CRACD: variants seen among roughly 807,000 people sequenced by gnomAD.
CRACD encodes capping protein inhibiting regulator of actin dynamics.
A neutral mutation model predicts 106.8 loss-of-function variants in CRACD; 56 were observed. The ratio of observed to expected loss-of-function variants is 0.52; its 90% CI spans 0.42 to 0.66. The LOEUF (loss-of-function observed/expected upper bound fraction) is 0.66, where lower values mean the gene tolerates loss of function less well. CRACD is among the 30% of genes least tolerant of loss of function. The pLI, the probability that CRACD is intolerant of heterozygous loss-of-function variation, is 0.00. For synonymous variants in CRACD, 754 were observed against 670.8 expected (o/e 1.12, Z -1.92); for missense variants, 1,730 against 1,623.2 (o/e 1.07, Z -1.13).
At chr4:56,324,321 G>A (rs1746296664) in intron 10 of CRACD, 55 bp downstream of exon 10, 1 of 1,545,808 alleles carries the variant, frequency 6.5e-7, no homozygotes, top group Non-Finnish European at 8.8e-7. Context: ...TCTTTGTAGA[G>A]CGTGCTTTAT....
chr4:56,151,729 C>A (rs548255935), intron 1 of CRACD, among the ~76,000 whole-genome samples: 1 of 152,046 alleles, frequency 6.6e-6, no homozygotes, highest in Non-Finnish European at 1.5e-5. Flanking sequence ...TAATCTGGAA[C>A]CATTCCTCAA....
intron 1 of CRACD, among the ~76,000 whole-genome samples, chr4:56,158,868 A>G (rs1165963689): frequency 6.6e-6 from 1 of 152,256 alleles, no homozygotes; most frequent in African/African-American, 2.4e-5. Flanking sequence ...TGTGAACTCC[A>G]GAGAAATACA....
intron 1 of CRACD, among the ~76,000 whole-genome samples, chr4:56,157,656 G>T (rs546683963): frequency 3.2e-4 from 49 of 152,258 alleles, no homozygotes; most frequent in Non-Finnish European, 5.4e-4. Flanking sequence ...AGTCAAGGAT[G>T]ATACTATGAA....
chr4:56,122,554 A>G (rs1291522562), intron 1 of CRACD, among the ~76,000 whole-genome samples: 1 of 152,132 alleles, frequency 6.6e-6, no homozygotes, highest in Non-Finnish European at 1.5e-5. Context: ...ACTGACACTG[A>G]TAAACATGCA....
chr4:56,174,172 A>G (rs988747614), intron 1 of CRACD, among the ~76,000 whole-genome samples: 1 of 152,150 alleles, frequency 6.6e-6, no homozygotes, highest in Admixed American at 6.5e-5. Context: ...TTTTTAATGG[A>G]TACATAATAG....
At chr4:56,192,863 T>C (rs1737439423) in intron 2 of CRACD, among the ~76,000 whole-genome samples, 1 of 152,150 alleles carries the variant, frequency 6.6e-6, no homozygotes, top group South Asian at 2.1e-4. Flanking sequence ...TGAAATTAAA[T>C]GGAATGGGAT....
chr4:56,279,253 G>T (rs374093550), intron 3 of CRACD, among the ~76,000 whole-genome samples: 1 of 152,116 alleles, frequency 6.6e-6, no homozygotes, highest in African/African-American at 2.4e-5. Flanking sequence ...CATCTTCTGC[G>T]TCGCTCATGC....
chr4:56,177,043 C>T (rs971552118), intron 1 of CRACD, among the ~76,000 whole-genome samples: 2 of 152,048 alleles, frequency 1.3e-5, no homozygotes, highest in Admixed American at 1.3e-4. Context: ...ATTTGGACGC[C>T]CTTTATTTCC....
At chr4:56,215,375 C>T (rs1465225361) in intron 2 of CRACD, among the ~76,000 whole-genome samples, 1 of 152,146 alleles carries the variant, frequency 6.6e-6, no homozygotes, top group Non-Finnish European at 1.5e-5. Flanking sequence ...CCCTAATGAC[C>T]TAATCATTTC....
chr4:56,100,604 CTT>C (rs1733746315), intron 1 of CRACD, among the ~76,000 whole-genome samples: 1 of 152,124 alleles, frequency 6.6e-6, no homozygotes. Context: ...GAGATAAGGT[CTT>C]TACAGAGGTA....
Position 56,315,815 on chromosome 4 carries a change from G to C in CRACD, c.2313G>C (p.Lys771Asn), listed in dbSNP as rs551614295. The change falls in exon 8 of 11, where the codon AAG becomes AAC. Residue 771 changes from lysine to asparagine, a missense_variant. By Grantham distance (94) the Lys-to-Asn change is moderately conservative. Around this residue, in one of 5 missense-constraint regions of CRACD, gnomAD observed 1,620 missense variants for 1,481.6 expected, o/e 1.09. Transcript: ENST00000682029. This position sits in a 1 kb window ranked among gnomAD's most constrained non-coding sequence, Gnocchi z 4.1. The stretch of plus-strand genomic sequence containing the variant: ...CTGCTGGTGTTCGCGAGCTCGGGAA[G>C]GGTCCGGAGAAGTCGGAGATGCACC... ...PPPAGVRELG[K>N]GPEKSEMHRE... 5 of 1,614,092 alleles carry C rather than the reference G, an allele frequency of 3.1e-6. No individual in the cohort carries two copies. The Admixed American group carries it at 5.0e-5, about 16-fold the overall frequency.
intron 4 of CRACD, 138 bp downstream of exon 4, chr4:56,298,487 T>A: frequency 9.6e-7 from 1 of 1,043,404 alleles, no homozygotes; most frequent in Non-Finnish European, 1.4e-6. Context: ...TATTGCTTTC[T>A]TGAATTCAAC....
intron 1 of CRACD, among the ~76,000 whole-genome samples, chr4:56,082,859 A>G (rs1733082344): frequency 6.6e-6 from 1 of 152,164 alleles, no homozygotes; most frequent in African/African-American, 2.4e-5. Context: ...TTATAAATGT[A>G]TAGTTGTTTC....
At position 56,089,167 on chromosome 4, in the gene CRACD, A is replaced by C. The variant is rs181610396; in HGVS notation, c.-336+39868A>C. ...TGTCCCCTAAAAGTCTGGGACCACA[A>C]ATTTGTGCCCTGTGAAGATCCTACC... On this transcript the variant is annotated intron_variant, in intron 1 of 10. Transcript: ENST00000682029. Among the ~76,000 whole-genome samples the C allele has an allele frequency of 5.3e-5, 8 of 152,326 alleles. No homozygotes were observed. The East Asian group carries it at 1.5e-3, about 29-fold the overall frequency.
Position 56,315,572 on chromosome 4 carries a change from G to C in CRACD, c.2070G>C (p.Gln690His). The change falls in exon 8 of 11, where the codon CAG becomes CAC. Residue 690 changes from glutamine (Q) to histidine (H), a missense_variant. Around this residue, in one of 5 missense-constraint regions of CRACD, gnomAD observed 1,620 missense variants for 1,481.6 expected, o/e 1.09. Coordinates refer to ENST00000682029, the MANE Select transcript of CRACD (RefSeq NM_001393381.1). This position sits in a 1 kb window ranked among gnomAD's most constrained non-coding sequence, Gnocchi z 4.1. ...ESDPRSSERD[Q>H]LRPGDESTPR... ...ACCCGCGCAGCAGCGAGAGGGACCA[G>C]TTGAGGCCCGGTGATGAGTCCACTC... is the stretch of plus-strand genomic sequence containing the variant. The C allele has an allele frequency of 6.2e-7, 1 of 1,614,196 alleles. No individual in the cohort carries two copies. Among genetic ancestry groups the C allele is most frequent in the Non-Finnish European group, 8.5e-7 (1 of 1,180,034 alleles).
Position 56,314,780 on chromosome 4 carries a change from TGAG to T in CRACD, c.1282_1284del (p.Glu428del). On this transcript the variant is annotated inframe_deletion, in exon 8 of 11. Coordinates refer to ENST00000682029, the MANE Select transcript of CRACD (RefSeq NM_001393381.1). This position sits in a 1 kb window ranked among gnomAD's most constrained non-coding sequence, Gnocchi z 4.4. ...AGCTCAGTGAGCTTCTGAACGACTT[TGAG>T]GAGAGGCTCGAAGACCAGGAACGCC... is the stretch of plus-strand genomic sequence containing the variant. 6.3e-7 allele frequency: 1 copy of T among 1,598,416 alleles called. No individual in the cohort carries two copies. Among genetic ancestry groups the T allele is most frequent in the Non-Finnish European group, 8.5e-7 (1 of 1,173,890 alleles).
At chr4:56,221,563 C>T (rs1016297666) in intron 2 of CRACD, among the ~76,000 whole-genome samples, 3 of 152,026 alleles carry the variant, frequency 2.0e-5, no homozygotes, top group South Asian at 2.1e-4. Context: ...TCAGAGTAAA[C>T]AGACAACCCA....
chr4:56,232,349 G>A (rs1002146021), intron 2 of CRACD, among the ~76,000 whole-genome samples: 15 of 151,648 alleles, frequency 9.9e-5, no homozygotes, highest in South Asian at 2.1e-4. Flanking sequence ...CCTTTTTATC[G>A]CCAAGTAGTA....
chr4:56,211,594 C>A (rs573422959), intron 2 of CRACD, among the ~76,000 whole-genome samples: 47 of 152,280 alleles, frequency 3.1e-4, no homozygotes, highest in Non-Finnish European at 6.3e-4. Context: ...CAGCTCTCAG[C>A]GGAGAGGGGA....
Sources: allele counts gnomAD v4.1 joint callset (sites outside exome capture counted in the v4.1 genomes callset), GRCh38; gene constraint gnomAD v4.1.1; regional missense constraint gnomAD v4.1.1; non-coding constraint Gnocchi (gnomAD v3.1); transcripts MANE v1.5; gene names NCBI Gene and HGNC (gene_info 2026-07-23, HGNC 2026-07-21).